The following ANKH variants were observed in gnomAD, a reference collection of about 807,000 sequenced individuals.
ANKH encodes the protein mineralization regulator ANKH.
In ANKH, 15 loss-of-function variants were observed where a neutral mutation model predicts 49.0. The observed-to-expected ratio is 0.31, with a 90% CI of 0.20 to 0.47. The LOEUF is 0.47. Among genes scored for constraint, ANKH ranks in the 20% least tolerant of loss-of-function variants. ANKH has a pLI of 1.00. For synonymous variants in ANKH, 273 were observed against 260.0 expected, an observed-to-expected ratio of 1.05 and a Z score of -0.48; for missense variants, 429 against 652.0, an observed-to-expected ratio of 0.66 and a Z score of 3.72.
intron 1 of ANKH, among the ~76,000 whole-genome samples, chr5:14,801,334 C>T (rs1220349182): frequency 6.6e-6 from 1 of 152,174 alleles, no homozygotes; most frequent in Non-Finnish European, 1.5e-5. Flanking sequence ...TTTCCCAGTG[C>T]CTATCCTGAT....
At chr5:14,724,614 G>T (rs894817927) in intron 8 of ANKH, 1 of 984,596 alleles carries the variant, frequency 1.0e-6, no homozygotes, top group Middle Eastern at 5.2e-4. Flanking sequence ...ACGGAAGGGG[G>T]ATTTGAACCA....
chr5:14,729,635 G>A (rs1437795675), intron 8 of ANKH, among the ~76,000 whole-genome samples: 1 of 152,130 alleles, frequency 6.6e-6, no homozygotes, highest in Non-Finnish European at 1.5e-5. Context: ...AGAAGAGGTG[G>A]TCAGAGCCTG....
chr5:14,843,175 C>CTTT (rs34837612), intron 1 of ANKH, among the ~76,000 whole-genome samples: 2 of 132,254 alleles, frequency 1.5e-5, no homozygotes, highest in African/African-American at 2.8e-5. Context: ...CCAGGGTTCT[C>CTTT]TTTTTTTTTT....
chr5:14,822,143 T>C (rs1430036923), intron 1 of ANKH, among the ~76,000 whole-genome samples: 1 of 152,186 alleles, frequency 6.6e-6, no homozygotes, highest in Non-Finnish European at 1.5e-5. Flanking sequence ...GCTAGGAGCA[T>C]TTGAAAAGTG....
chr5:14,818,689 G>T (rs374518237), intron 1 of ANKH, among the ~76,000 whole-genome samples: 3 of 128,502 alleles, frequency 2.3e-5, no homozygotes, highest in African/African-American at 5.7e-5. Flanking sequence ...GCAGAAAAAA[G>T]AATTAGACCC....
At chr5:14,804,490 TGTCAAA>T (rs1740647562) in intron 1 of ANKH, among the ~76,000 whole-genome samples, 1 of 152,210 alleles carries the variant, frequency 6.6e-6, no homozygotes, top group Non-Finnish European at 1.5e-5. Context: ...TGAATGACTG[TGTCAAA>T]GTCCATGACT....
At chr5:14,823,438 G>A (rs1741251355) in intron 1 of ANKH, among the ~76,000 whole-genome samples, 2 of 152,170 alleles carry the variant, frequency 1.3e-5, no homozygotes, top group Admixed American at 1.3e-4. Context: ...CAGTGGAAAT[G>A]AACAATTTAC....
At chr5:14,772,321 A>G (rs1739472142) in intron 1 of ANKH, among the ~76,000 whole-genome samples, 1 of 152,240 alleles carries the variant, frequency 6.6e-6, no homozygotes, top group Admixed American at 6.5e-5. Context: ...AAATGTATTT[A>G]CAGGAAAATA....
chr5:14,718,001 C>A (rs1335231689), intron 8 of ANKH, among the ~76,000 whole-genome samples: 1 of 152,164 alleles, frequency 6.6e-6, no homozygotes, highest in African/African-American at 2.4e-5. Flanking sequence ...GGGCTTCTTT[C>A]CTCTTCTACG....
intron 8 of ANKH, among the ~76,000 whole-genome samples, chr5:14,726,356 G>A (rs894674235): frequency 6.6e-6 from 1 of 152,122 alleles, no homozygotes; most frequent in Non-Finnish European, 1.5e-5. Context: ...TCATGGTCAC[G>A]ACTCTGGCTT....
chr5:14,761,671 T>C (rs1202134020), intron 2 of ANKH, among the ~76,000 whole-genome samples: 2 of 152,116 alleles, frequency 1.3e-5, no homozygotes, highest in East Asian at 3.9e-4. Context: ...AAATGCCATA[T>C]GCTGGACACC....
At chr5:14,777,011 G>A (rs567539039) in intron 1 of ANKH, among the ~76,000 whole-genome samples, 2 of 152,360 alleles carry the variant, frequency 1.3e-5, no homozygotes, top group South Asian at 2.1e-4. Context: ...GTCGGGTGCA[G>A]TGGCTCACGC....
chr5:14,712,838 G>T, intron 11 of ANKH, 36 bp downstream of exon 11: 1 of 1,559,472 alleles, frequency 6.4e-7, no homozygotes, highest in African/African-American at 1.4e-5. Context: ...CCAGGAGGAT[G>T]CACCCGGGAG....
chr5:14,839,282 G>C (rs1213636676), intron 1 of ANKH, among the ~76,000 whole-genome samples: 1 of 152,170 alleles, frequency 6.6e-6, no homozygotes, highest in African/African-American at 2.4e-5. Context: ...TTTCTGGAAA[G>C]ATTATGTTCT....
At chr5:14,740,185 G>A (rs999642183) in intron 8 of ANKH, among the ~76,000 whole-genome samples, 2 of 152,132 alleles carry the variant, frequency 1.3e-5, no homozygotes, top group African/African-American at 4.8e-5. Context: ...GGCGTTGTCA[G>A]CTTTATATGC....
chr5:14,718,491 A>C (rs1737557238), intron 8 of ANKH, among the ~76,000 whole-genome samples: 1 of 152,218 alleles, frequency 6.6e-6, no homozygotes, highest in Admixed American at 6.5e-5. Flanking sequence ...CACCCATGAA[A>C]CAAGAACAGA....
At chr5:14,722,285 C>G (rs551072694) in intron 8 of ANKH, among the ~76,000 whole-genome samples, 1 of 152,198 alleles carries the variant, frequency 6.6e-6, no homozygotes, top group Non-Finnish European at 1.5e-5. Context: ...GAACAAGAGT[C>G]GTTCCTCTGA....
chr5:14,828,919 G>A (rs1470289429), intron 1 of ANKH, among the ~76,000 whole-genome samples: 1 of 152,142 alleles, frequency 6.6e-6, no homozygotes, highest in Non-Finnish European at 1.5e-5. Flanking sequence ...GGCTGCAGTG[G>A]CTCACGCCTG....
chr5:14,773,353 C>CTTTTTTTTTT (rs71603741), intron 1 of ANKH, among the ~76,000 whole-genome samples: 2 of 77,016 alleles, frequency 2.6e-5, no homozygotes, highest in Admixed American at 2.0e-4. Context: ...GCAAAGCATT[C>CTTTTTTTTTT]TTTTTTTTTT....
Sources: gnomAD v4.1 joint callset for allele counts (sites outside exome capture counted in the v4.1 genomes callset) on GRCh38, gnomAD v4.1.1 for gene constraint, MANE v1.5 for transcripts, NCBI Gene and HGNC (gene_info 2026-07-23, HGNC 2026-07-21) for gene names.